Variants in PCYOX1L observed in about 807,000 individuals in gnomAD.
PCYOX1L encodes prenylcysteine oxidase 1-like.
Under a neutral mutation model 44.1 loss-of-function variants are expected in PCYOX1L, and 40 were observed. The ratio of observed to expected loss-of-function variants is 0.91; its 90% confidence interval spans 0.70 to 1.18. The LOEUF (loss-of-function observed/expected upper bound fraction) is 1.18. Ranked by LOEUF, PCYOX1L falls within the 50% of genes most tolerant of loss-of-function variation. PCYOX1L has a pLI of 0.00. For synonymous variants in PCYOX1L, 266 were observed against 282.8 expected (o/e 0.94, Z 0.60); for missense variants, 605 against 653.3 (o/e 0.93, Z 0.81).
Position 149,368,069 on chromosome 5 carries a change from C to T in PCYOX1L, c.900C>T (p.Ile300=), listed in dbSNP as rs199667688. The stretch of plus-strand genomic sequence containing the variant: ...CTGACTTCTATGACATCGTGGTCAT[C>T]GCCACCCCCCTGCACCTGGACAACA... ...NSSDFYDIVV[I]ATPLHLDNSS... Residue 300 remains isoleucine, a synonymous_variant, in exon 6 of 6, where the codon ATC becomes ATT. Coordinates refer to ENST00000274569, the MANE Select transcript of PCYOX1L (RefSeq NM_024028.4). The T allele has an allele frequency of 1.3e-4, 203 of 1,600,832 alleles. 3 individuals carry two copies. In the Middle Eastern group the frequency reaches 2.5e-3, roughly 20 times the overall value.
chr5:149,369,120 A>G lies in PCYOX1L; in HGVS notation c.*466A>G, dbSNP rs1758337511. ...CAAATAAAGTAGAAGGGAAGATCAG[A>G]AAACCTAAGAAATGATCATAGCTCC... On this transcript the variant is annotated 3_prime_UTR_variant, in exon 6 of 6. Coordinates refer to ENST00000274569, the MANE Select transcript of PCYOX1L (RefSeq NM_024028.4). The G allele has an allele frequency of 6.5e-6, 1 of 152,786 alleles. No homozygotes were observed. 9.5% of individuals were successfully genotyped at this position (152,786 alleles called of 1,614,324 possible).
At position 149,362,846 on chromosome 5, in the gene PCYOX1L, G is replaced by A. The variant is rs1223302978; in HGVS notation, c.295+3G>A. On this transcript the variant is annotated splice_donor_region_variant and intron_variant, in intron 2 of 5. Coordinates refer to ENST00000274569, the MANE Select transcript of PCYOX1L (RefSeq NM_024028.4). ...GCAGGACTTCGTCAAGCTGCTGGGT[G>A]AGTGGTCAGTCCTGGGGCTCCAGTG... 3 of 1,613,564 alleles carry A rather than the reference G, an allele frequency of 1.9e-6. No individual in the cohort carries two copies. Among genetic ancestry groups the A allele is most frequent in the Admixed American group, 1.7e-5 (1 of 60,036 alleles).
At chr5:149,364,494 A>G in intron 3 of PCYOX1L, 1 of 311,472 alleles carries the variant, frequency 3.2e-6, no homozygotes, top group Non-Finnish European at 6.1e-6. Flanking sequence ...ACAAGGGCTG[A>G]ACTGGGATGC....
At chr5:149,360,919 CTG>C (rs1166986944) in intron 1 of PCYOX1L, among the ~76,000 whole-genome samples, 2 of 152,194 alleles carry the variant, frequency 1.3e-5, no homozygotes, top group African/African-American at 4.8e-5. Context: ...AACTGGTACT[CTG>C]TGGGTCCAAA....
chr5:149,367,429 C>A lies in PCYOX1L; in HGVS notation c.752C>A (p.Ser251Tyr), dbSNP rs748148118. 1 of 1,613,958 alleles carries A rather than the reference C, an allele frequency of 6.2e-7. No homozygotes were observed. Reference sequence around the variant, plus strand: ...GAAGGAGGCAATAAGCTGGTTTGTTCCGGTTTGCTGAAGCTCACCAAGGCC... The same window carrying A: ...GAAGGAGGCAATAAGCTGGTTTGTTACGGTTTGCTGAAGCTCACCAAGGCC... Reference protein sequence around the residue: ...SVEGGNKLVCSGLLKLTKANV... With the variant: ...SVEGGNKLVCYGLLKLTKANV... Residue 251 changes from serine (S) to tyrosine (Y), a missense_variant, in exon 5 of 6, where the codon TCC (serine) becomes TAC (tyrosine). Coordinates refer to ENST00000274569, the MANE Select transcript of PCYOX1L (RefSeq NM_024028.4).
intron 2 of PCYOX1L, chr5:149,363,322 A>T: frequency 3.0e-6 from 1 of 334,466 alleles, no homozygotes; most frequent in Admixed American, 3.9e-5. Flanking sequence ...GTTCTGTTTG[A>T]TGCAGAAACT....
At position 149,368,777 on chromosome 5, in the gene PCYOX1L, C is replaced by T; in HGVS notation, c.*123C>T. 1.0e-6 allele frequency: 1 copy of T among 987,026 alleles called. No homozygotes were observed. The highest frequency in any genetic ancestry group is 1.4e-6 in the Non-Finnish European group (1 of 723,236). The allele number at this position is 987,026 out of a possible 1,614,324, so 61.1% of individuals were successfully genotyped here. A position where few individuals can be genotyped will look rare whatever the true frequency, so the allele number is the denominator to read the frequency against. On this transcript the variant is annotated 3_prime_UTR_variant, in exon 6 of 6. Coordinates refer to ENST00000274569, the MANE Select transcript of PCYOX1L (RefSeq NM_024028.4). ...TCTTTCTGACCCCTCATGTATCAAG[C>T]ATCTCCAGGTGACCTACTGTCTGCC...
chr5:149,360,877 C>T (rs1757988094), intron 1 of PCYOX1L, among the ~76,000 whole-genome samples: 1 of 152,216 alleles, frequency 6.6e-6, no homozygotes, highest in Admixed American at 6.5e-5. Flanking sequence ...GAACCTGGTG[C>T]TGTCTGAGGA....
At chr5:149,362,412 C>G (rs1045901758) in intron 1 of PCYOX1L, 1 of 547,202 alleles carries the variant, frequency 1.8e-6, no homozygotes, top group Non-Finnish European at 3.3e-6. Context: ...ATACCTTTTT[C>G]TTTATGAAAC....
intron 3 of PCYOX1L, 30 bp from the exon 4 acceptor site, chr5:149,365,912 A>G (rs779184630): frequency 6.2e-7 from 1 of 1,612,004 alleles, no homozygotes; most frequent in African/African-American, 1.3e-5. Flanking sequence ...GCCTTCCTGC[A>G]CAAGGACTCC....
At position 149,362,198 on chromosome 5, in the gene PCYOX1L, T is replaced by C. The variant is rs571057108; in HGVS notation, c.89-439T>C. 4 of 173,512 alleles carry C rather than the reference T, an allele frequency of 2.3e-5. No homozygotes were observed. The South Asian group carries it at 5.3e-4, about 23-fold the overall frequency. The allele number at this position is 173,512 out of a possible 1,614,324, so 10.7% of individuals were successfully genotyped here. A position where few individuals can be genotyped will look rare whatever the true frequency, so the allele number is the denominator to read the frequency against. ...AACAGGCATCTTTCTGGATTTGGCC[T>C]GCAGGCTGTAGTTTGCCAATCCCTG... On this transcript the variant is annotated intron_variant, in intron 1 of 5. Transcript: ENST00000274569.
chr5:149,358,319 G>A, intron 1 of PCYOX1L, 163 bp downstream of exon 1: 1 of 1,143,210 alleles, frequency 8.7e-7, no homozygotes, highest in Non-Finnish European at 1.1e-6. Flanking sequence ...CGGCAGGGAA[G>A]GTCCTGATGG....
intron 1 of PCYOX1L, 133 bp from the exon 2 acceptor site, chr5:149,362,504 T>A (rs961689235): frequency 1.1e-6 from 1 of 892,030 alleles, no homozygotes; most frequent in Non-Finnish European, 1.7e-6. Flanking sequence ...AGATTTCCTT[T>A]TGGAAATGTT....
In PCYOX1L at chr5:149,362,786, G is replaced by C. The variant is rs372828906; in HGVS notation, c.238G>C (p.Gly80Arg). The change falls in exon 2 of 6, where the codon GGG becomes CGG. Residue 80 changes from glycine to arginine, a missense_variant. Transcript: ENST00000274569. ...ISVNKQHYES[G>R]AASFHSLSLH... ...AGTCAACAAGCAGCACTATGAGAGC[G>C]GGGCTGCCTCCTTCCACTCCCTGAG... is the stretch of plus-strand genomic sequence containing the variant. 2 of 1,614,144 alleles carry C rather than the reference G, an allele frequency of 1.2e-6. No homozygotes were observed. The highest frequency in any genetic ancestry group is 3.3e-5 in the Admixed American group (2 of 60,034).
chr5:149,365,790 G>A (rs1230018971), intron 3 of PCYOX1L, 152 bp from the exon 4 acceptor site: 1 of 668,366 alleles, frequency 1.5e-6, no homozygotes, highest in African/African-American at 1.8e-5. Flanking sequence ...CAGAGAACAG[G>A]TGCCAGGGAA....
At chr5:149,363,171 C>T (rs1561701104) in intron 2 of PCYOX1L, 1 of 448,562 alleles carries the variant, frequency 2.2e-6, no homozygotes, top group Non-Finnish European at 4.3e-6. Context: ...TAGGCATTAC[C>T]TCAGCTCCCC....
chr5:149,359,108 GT>G (rs1429915675), intron 1 of PCYOX1L, among the ~76,000 whole-genome samples: 1 of 151,806 alleles, frequency 6.6e-6, no homozygotes, highest in Non-Finnish European at 1.5e-5. Flanking sequence ...TACATGACTC[GT>G]GAAGATTTTC....
intron 2 of PCYOX1L, chr5:149,363,717 T>C: frequency 2.8e-6 from 1 of 353,074 alleles, no homozygotes; most frequent in Non-Finnish European, 5.4e-6. Flanking sequence ...CCAAGTGATC[T>C]CAGTGCCCAA....
At chr5:149,366,770 C>T (rs1026772525) in intron 4 of PCYOX1L, among the ~76,000 whole-genome samples, 5 of 152,232 alleles carry the variant, frequency 3.3e-5, no homozygotes, top group Admixed American at 3.3e-4. Flanking sequence ...TCTGGCTCTG[C>T]ACATGCTGGC....
Sources: gnomAD v4.1 joint callset for allele counts (sites outside exome capture counted in the v4.1 genomes callset) on GRCh38, gnomAD v4.1.1 for gene constraint, MANE v1.5 for transcripts, NCBI Gene and HGNC (gene_info 2026-07-23, HGNC 2026-07-21) for gene names.